Variants in ACTR3C observed in about 807,000 individuals in gnomAD.
The protein encoded by ACTR3C is actin related protein 3C.
Under a neutral mutation model 26.3 loss-of-function variants are expected in ACTR3C, and 18 were observed. The ratio of observed to expected loss-of-function variants is 0.68; its 90% CI spans 0.47 to 1.01. ACTR3C has a LOEUF of 1.01. ACTR3C is among the 50% of genes least tolerant of loss of function. The pLI is 0.00. For synonymous variants in ACTR3C, 55 were observed against 94.5 expected (o/e 0.58, Z 2.42); for missense variants, 184 against 250.7 (o/e 0.73, Z 1.80).
At chr7:150,248,340 A>C (rs1191479362) in intron 7 of ACTR3C, 14 of 151,968 alleles carry the variant, frequency 9.2e-5, no homozygotes, top group African/African-American at 3.4e-4. Flanking sequence ...CTGGTGCTAC[A>C]TCTCAACAGA....
chr7:150,287,982 G>A (rs1202762392), intron 4 of ACTR3C, among the ~76,000 whole-genome samples: 4 of 145,988 alleles, frequency 2.7e-5, no homozygotes, highest in African/African-American at 8.0e-5. Context: ...CAAGGTTGGT[G>A]TGCTCACGTT....
chr7:150,222,969 A>G, the ACTR3C span, among the ~76,000 whole-genome samples: 2 of 152,246 alleles, frequency 1.3e-5, no homozygotes, highest in African/African-American at 4.8e-5. Context: ...TTTTTTAAAA[A>G]AATTGTGGTA....
chr7:149,897,073 A>C, the ACTR3C span, among the ~76,000 whole-genome samples: 5 of 151,850 alleles, frequency 3.3e-5, no homozygotes, highest in African/African-American at 9.7e-5. Flanking sequence ...AAAAAAAAAA[A>C]AAAAAAAAAC....
intron 1 of ACTR3C, among the ~76,000 whole-genome samples, chr7:150,312,189 A>G (rs1441265296): frequency 6.6e-6 from 1 of 152,122 alleles, no homozygotes; most frequent in African/African-American, 2.4e-5. Flanking sequence ...TTTCTCCTCT[A>G]TGACTCCCAC....
the ACTR3C span, among the ~76,000 whole-genome samples, chr7:150,023,901 A>G: frequency 3.3e-5 from 4 of 120,480 alleles, no homozygotes. Context: ...GGGCTGCGGA[A>G]CAGGAGCCGG....
At chr7:150,197,856 TCTCC>T in the ACTR3C span, among the ~76,000 whole-genome samples, 1 of 134,338 alleles carries the variant, frequency 7.4e-6, no homozygotes, top group Non-Finnish European at 1.6e-5. Context: ...CCCTCTCCCC[TCTCC>T]CCTCTCCCCT....
At chr7:150,275,025 A>G (rs1343152053) in intron 6 of ACTR3C, among the ~76,000 whole-genome samples, 4 of 152,232 alleles carry the variant, frequency 2.6e-5, no homozygotes, top group African/African-American at 9.6e-5. Context: ...AAGGCAGGTC[A>G]GCATTTTAGC....
chr7:150,128,649 C>G, the ACTR3C span, among the ~76,000 whole-genome samples: 1 of 151,720 alleles, frequency 6.6e-6, no homozygotes, highest in Middle Eastern at 3.4e-3. Context: ...CTGGGAGTTT[C>G]TCTCATGCAC....
chr7:150,179,206 G>A, the ACTR3C span, among the ~76,000 whole-genome samples: 1 of 135,350 alleles, frequency 7.4e-6, no homozygotes, highest in African/African-American at 3.4e-5. Flanking sequence ...GAACTTAGAA[G>A]TTCTCTTTCC....
intron 1 of ACTR3C, among the ~76,000 whole-genome samples, chr7:150,312,360 C>T (rs1329798589): frequency 1.3e-5 from 2 of 152,194 alleles, no homozygotes; most frequent in African/African-American, 2.4e-5. Context: ...AACTATTGAA[C>T]TTCTCCGTTC....
chr7:149,990,385 C>T, the ACTR3C span, among the ~76,000 whole-genome samples: 5 of 132,328 alleles, frequency 3.8e-5, no homozygotes, highest in Non-Finnish European at 4.8e-5. Context: ...ATCTCCAGCA[C>T]GCAGCCCAGT....
At chr7:150,034,022 C>G in the ACTR3C span, among the ~76,000 whole-genome samples, 5 of 150,822 alleles carry the variant, frequency 3.3e-5, no homozygotes, top group East Asian at 2.0e-4. Context: ...CGATGGTGGT[C>G]CCAAGAGCCA....
the ACTR3C span, among the ~76,000 whole-genome samples, chr7:149,938,099 G>A: frequency 6.6e-6 from 1 of 152,140 alleles, no homozygotes; most frequent in Non-Finnish European, 1.5e-5. Flanking sequence ...GAGGGATTCC[G>A]CCCTGGGAAA....
At chr7:150,158,945 GC>G in the ACTR3C span, among the ~76,000 whole-genome samples, 1 of 146,930 alleles carries the variant, frequency 6.8e-6, no homozygotes, top group East Asian at 2.1e-4. Flanking sequence ...AGACACACGG[GC>G]ACACACAGGT....
At chr7:150,070,236 C>T in the ACTR3C span, among the ~76,000 whole-genome samples, 112 of 152,264 alleles carry the variant, frequency 7.4e-4, no homozygotes, top group Middle Eastern at 3.4e-3. Flanking sequence ...ATCAGCATCA[C>T]GGCTGTAAGA....
the ACTR3C span, among the ~76,000 whole-genome samples, chr7:150,189,449 C>T: frequency 3.3e-5 from 5 of 151,274 alleles, no homozygotes; most frequent in South Asian, 2.1e-4. Context: ...TGTACAATTT[C>T]GTATATTTTG....
At chr7:150,306,867 G>A (rs748645361) in intron 1 of ACTR3C, among the ~76,000 whole-genome samples, 3 of 152,186 alleles carry the variant, frequency 2.0e-5, no homozygotes, top group East Asian at 1.9e-4. Context: ...GATGGATAAC[G>A]AACAGTGGTT....
the ACTR3C span, among the ~76,000 whole-genome samples, chr7:150,081,567 C>T: frequency 2.2e-4 from 34 of 151,308 alleles, no homozygotes; most frequent in Admixed American, 5.2e-4. Flanking sequence ...CATTTTTCTT[C>T]ACAAGTTATT....
the ACTR3C span, among the ~76,000 whole-genome samples, chr7:150,088,355 A>G: frequency 6.6e-6 from 1 of 152,208 alleles, no homozygotes; most frequent in Non-Finnish European, 1.5e-5. Context: ...TAGGGCTATG[A>G]TTTCCTCTAG....
Sources: gnomAD v4.1 joint callset for allele counts (sites outside exome capture counted in the v4.1 genomes callset) on GRCh38, gnomAD v4.1.1 for gene constraint, MANE v1.5 for transcripts, NCBI Gene and HGNC (gene_info 2026-07-23, HGNC 2026-07-21) for gene names.